The following WWOX variants were observed in gnomAD, a reference collection of about 807,000 sequenced individuals.
The protein encoded by WWOX is WW domain containing oxidoreductase.
A neutral mutation model predicts 46.2 loss-of-function variants in WWOX; 69 were observed. That is an observed-to-expected ratio of 1.49 (90% CI 1.23 to 1.82). WWOX has a LOEUF of 1.82. WWOX is among the 40% of genes most tolerant of loss of function. WWOX has a pLI of 0.00. For missense variants in WWOX, 919 were observed against 542.6 expected (o/e 1.69, Z -6.89); for synonymous variants, 359 against 202.6 (o/e 1.77, Z -6.56).
intron 8 of WWOX, among the ~76,000 whole-genome samples, chr16:78,461,625 A>G (rs1039457536): frequency 6.6e-5 from 10 of 152,208 alleles, no homozygotes; most frequent in Admixed American, 1.3e-4. Context: ...TGTTTTCACA[A>G]TCACAGACAT....
intron 8 of WWOX, among the ~76,000 whole-genome samples, chr16:78,775,152 A>C (rs1033707744): frequency 2.0e-5 from 3 of 152,058 alleles, no homozygotes; most frequent in Non-Finnish European, 4.4e-5. Flanking sequence ...TTCCTGAAAT[A>C]CCTCAATTCC....
At chr16:78,820,762 G>T (rs1209937328) in intron 8 of WWOX, among the ~76,000 whole-genome samples, 1 of 152,140 alleles carries the variant, frequency 6.6e-6, no homozygotes, top group African/African-American at 2.4e-5. Context: ...TTGGTGGCCG[G>T]AAGTCCAAAA....
At position 78,705,119 on chromosome 16, in the gene WWOX, G is replaced by A. The variant is rs550512373; in HGVS notation, c.1056+272367G>A. ...CCTTTTTAGTGCCGCAGTGTTTTCAGTGTTAGAGAAAAGGCTGTGATTTTC... is the reference window on the plus strand; with the variant it reads ...CCTTTTTAGTGCCGCAGTGTTTTCAATGTTAGAGAAAAGGCTGTGATTTTC... On this transcript the variant is annotated intron_variant, in intron 8 of 8. Transcript: ENST00000566780. 8.1e-4 allele frequency among the ~76,000 whole-genome samples: 124 copies of A among 152,234 alleles called. 3 individuals carry two copies. The South Asian group carries it at 0.024, about 30-fold the overall frequency.
intron 8 of WWOX, among the ~76,000 whole-genome samples, chr16:78,459,274 C>T (rs1026672182): frequency 3.3e-5 from 5 of 152,118 alleles, no homozygotes; most frequent in Non-Finnish European, 5.9e-5. Flanking sequence ...GGTGTAATGC[C>T]CTTTTCACCA....
chr16:78,359,681 A>G (rs921966382), intron 5 of WWOX, among the ~76,000 whole-genome samples: 1 of 152,214 alleles, frequency 6.6e-6, no homozygotes, highest in Admixed American at 6.5e-5. Flanking sequence ...ATAAATTTTC[A>G]TTGTGGAAAT....
At chr16:78,188,176 T>C (rs1017769248) in intron 5 of WWOX, among the ~76,000 whole-genome samples, 1 of 152,162 alleles carries the variant, frequency 6.6e-6, no homozygotes, top group African/African-American at 2.4e-5. Flanking sequence ...GAGAAGAGTT[T>C]ACATCTGAAC....
At chr16:78,421,095 C>G (rs192852477) in intron 6 of WWOX, among the ~76,000 whole-genome samples, 5 of 151,940 alleles carry the variant, frequency 3.3e-5, no homozygotes, top group Non-Finnish European at 5.9e-5. Flanking sequence ...TGGGCATAAA[C>G]GTTTATATGA....
At chr16:78,249,991 A>T (rs1318092819) in intron 5 of WWOX, among the ~76,000 whole-genome samples, 1 of 152,162 alleles carries the variant, frequency 6.6e-6, no homozygotes, top group African/African-American at 2.4e-5. Flanking sequence ...GCGGCTGAAC[A>T]CACAGTGATT....
chr16:78,201,256 T>G lies in WWOX; in HGVS notation c.516+36967T>G, dbSNP rs147354661. Among the ~76,000 whole-genome samples, 367 of 152,362 alleles carry G rather than the reference T, an allele frequency of 2.4e-3. 3 individuals are homozygous for G. Among genetic ancestry groups the G allele is most frequent in the African/African-American group, 8.0e-3 (333 of 41,590 alleles). ...AATGATTGTCTGTTAAGACACTTAT[T>G]TTTTGAGAAGACAAATTAATATAAC... On this transcript the variant is annotated intron_variant, in intron 5 of 8. Transcript: ENST00000566780.
intron 8 of WWOX, among the ~76,000 whole-genome samples, chr16:78,544,242 T>C (rs773222001): frequency 9.2e-5 from 14 of 152,236 alleles, no homozygotes; most frequent in Admixed American, 7.9e-4. Flanking sequence ...CTGACTATAA[T>C]TGTAAAACAG....
intron 8 of WWOX, among the ~76,000 whole-genome samples, chr16:79,147,087 A>G (rs1043563468): frequency 2.0e-5 from 3 of 152,108 alleles, no homozygotes; most frequent in African/African-American, 7.2e-5. Flanking sequence ...TTCTCATTTT[A>G]CCTGTACTCA....
chr16:78,863,115 G>T lies in WWOX; in HGVS notation c.1057-348493G>T, dbSNP rs2043927285. 2.0e-5 allele frequency among the ~76,000 whole-genome samples: 3 copies of T among 152,014 alleles called. No individual in the cohort carries two copies. The South Asian group carries it at 6.2e-4, about 32-fold the overall frequency. ...GTGGGATTACAGGCGCCACCACCAA[G>T]CCTGGCTAATTTTTGTATTTTTAAT... On this transcript the variant is annotated intron_variant, in intron 8 of 8. Transcript: ENST00000566780.
At chr16:78,742,025 C>G (rs768943481) in intron 8 of WWOX, among the ~76,000 whole-genome samples, 1 of 152,162 alleles carries the variant, frequency 6.6e-6, no homozygotes, top group Non-Finnish European at 1.5e-5. Context: ...CCTACGATGT[C>G]TATGTATAGT....
intron 8 of WWOX, among the ~76,000 whole-genome samples, chr16:78,453,234 G>T (rs79637975): frequency 6.6e-6 from 1 of 151,866 alleles, no homozygotes; most frequent in South Asian, 2.1e-4. Flanking sequence ...TAATAGCCTG[G>T]CCAATATGGT....
intron 8 of WWOX, among the ~76,000 whole-genome samples, chr16:78,930,063 A>G (rs2045585137): frequency 6.6e-6 from 1 of 152,036 alleles, no homozygotes. Flanking sequence ...CCTTAGGGGA[A>G]GCATAGCTTC....
chr16:78,856,780 T>G (rs2151186382), intron 8 of WWOX, among the ~76,000 whole-genome samples: 1 of 152,338 alleles, frequency 6.6e-6, no homozygotes, highest in Non-Finnish European at 1.5e-5. Context: ...TTCACGAACA[T>G]ACACATTTAC....
At chr16:78,347,167 TTG>T (rs1485413923) in intron 5 of WWOX, among the ~76,000 whole-genome samples, 1 of 118,428 alleles carries the variant, frequency 8.4e-6, no homozygotes, top group Non-Finnish European at 2.0e-5. Context: ...CTTTTAAACT[TTG>T]TCTTCCTTCT....
intron 8 of WWOX, among the ~76,000 whole-genome samples, chr16:78,968,439 G>C (rs543824624): frequency 2.0e-5 from 3 of 152,306 alleles, no homozygotes; most frequent in East Asian, 1.9e-4. Context: ...CTGTTCCCTA[G>C]GGAGTTCTCA....
rs542744402 is a variant in WWOX, at chr16:78,864,502, C to T, written c.1057-347106C>T. 7.9e-5 allele frequency among the ~76,000 whole-genome samples: 12 copies of T among 152,216 alleles called. No homozygotes were observed. In the East Asian group the frequency reaches 2.3e-3, roughly 30 times the overall value. On this transcript the variant is annotated intron_variant, in intron 8 of 8. Coordinates refer to ENST00000566780, the MANE Select transcript of WWOX (RefSeq NM_016373.4). Reference sequence around the variant, plus strand: ...AAGGCTGATCTTACACTCCTGGGATCAGGAGATCCGCCTGCCTTGGCCTCC... The same window carrying T: ...AAGGCTGATCTTACACTCCTGGGATTAGGAGATCCGCCTGCCTTGGCCTCC...
Sources: gnomAD v4.1 joint callset for allele counts (sites outside exome capture counted in the v4.1 genomes callset) on GRCh38, gnomAD v4.1.1 for gene constraint, MANE v1.5 for transcripts, NCBI Gene and HGNC (gene_info 2026-07-23, HGNC 2026-07-21) for gene names.